ROR2: variants seen among roughly 807,000 people sequenced by gnomAD.
The protein encoded by ROR2 is ROR family WNT receptor 2.
Under a neutral mutation model 74.9 loss-of-function variants are expected in ROR2, and 33 were observed. That is an observed-to-expected ratio of 0.44 (90% CI 0.33 to 0.59). ROR2 has a LOEUF of 0.59. Among genes scored for constraint, ROR2 ranks in the 20% least tolerant of loss-of-function variants. The probability of loss-of-function intolerance (pLI) is 0.02; values close to 1 mark genes in which losing one functional copy is unlikely to be tolerated. For synonymous variants in ROR2, 586 were observed against 558.7 expected, an observed-to-expected ratio of 1.05 and a Z score of -0.69; for missense variants, 1,216 against 1,313.8, an observed-to-expected ratio of 0.93 and a Z score of 1.15.
chr9:91,729,089 TAAAAA>T (rs5899140), intron 7 of ROR2, among the ~76,000 whole-genome samples: 9 of 144,720 alleles, frequency 6.2e-5, no homozygotes, highest in African/African-American at 2.3e-4. Flanking sequence ...CTACTCACTG[TAAAAA>T]AAAAAAAAAA....
At chr9:91,846,789 A>G (rs988246985) in intron 1 of ROR2, among the ~76,000 whole-genome samples, 1 of 152,152 alleles carries the variant, frequency 6.6e-6, no homozygotes, top group African/African-American at 2.4e-5. Flanking sequence ...GCTCTGGAGA[A>G]GACCCTTGGA....
chr9:91,852,178 T>C (rs1403168674), intron 1 of ROR2, among the ~76,000 whole-genome samples: 1 of 152,190 alleles, frequency 6.6e-6, no homozygotes, highest in Non-Finnish European at 1.5e-5. Context: ...TGTTTCTAAG[T>C]TGGTCCTGAA....
chr9:91,891,628 G>A (rs1376667463), intron 1 of ROR2, among the ~76,000 whole-genome samples: 1 of 152,212 alleles, frequency 6.6e-6, no homozygotes, highest in South Asian at 2.1e-4. Flanking sequence ...CATTCAGGTT[G>A]TTGTCCATAT....
At chr9:91,785,129 G>A (rs1826753152) in intron 1 of ROR2, among the ~76,000 whole-genome samples, 1 of 152,114 alleles carries the variant, frequency 6.6e-6, no homozygotes, top group African/African-American at 2.4e-5. Flanking sequence ...CTCCTGGGGT[G>A]GCCTCCACTC....
intron 2 of ROR2, among the ~76,000 whole-genome samples, chr9:91,763,244 C>T (rs1825968199): frequency 6.6e-6 from 1 of 152,138 alleles, no homozygotes; most frequent in African/African-American, 2.4e-5. Context: ...ACCTAGGTGA[C>T]AAAGTAATCT....
intron 1 of ROR2, among the ~76,000 whole-genome samples, chr9:91,846,667 C>T (rs1225201860): frequency 2.0e-5 from 3 of 152,182 alleles, no homozygotes; most frequent in East Asian, 1.9e-4. Context: ...CCAGAGGTTT[C>T]GGATTTCAAG....
At chr9:91,899,326 TG>T (rs1291676315) in intron 1 of ROR2, among the ~76,000 whole-genome samples, 1 of 152,108 alleles carries the variant, frequency 6.6e-6, no homozygotes, top group Non-Finnish European at 1.5e-5. Flanking sequence ...TGCAAATATT[TG>T]GGGAGCAGCA....
chr9:91,909,513 A>ATT (rs36122642), intron 1 of ROR2, among the ~76,000 whole-genome samples: 49 of 136,292 alleles, frequency 3.6e-4, no homozygotes, highest in African/African-American at 9.8e-4. Context: ...CATCCAACTA[A>ATT]TTTTTTTTTT....
At chr9:91,772,683 G>A (rs1197764794) in intron 2 of ROR2, among the ~76,000 whole-genome samples, 1 of 152,174 alleles carries the variant, frequency 6.6e-6, no homozygotes, top group Non-Finnish European at 1.5e-5. Context: ...GGACAGGTCC[G>A]AGGCAAACTT....
At chr9:91,919,003 C>T (rs960053211) in intron 1 of ROR2, among the ~76,000 whole-genome samples, 8 of 150,034 alleles carry the variant, frequency 5.3e-5, no homozygotes, top group African/African-American at 2.0e-4. Flanking sequence ...CAGTCCGCAC[C>T]CCTGTGACCT....
At chr9:91,933,603 T>C (rs963450706) in intron 1 of ROR2, among the ~76,000 whole-genome samples, 18 of 152,200 alleles carry the variant, frequency 1.2e-4, no homozygotes, top group African/African-American at 4.1e-4. Flanking sequence ...GAAAGACTTA[T>C]GAGAACTATC....
intron 4 of ROR2, among the ~76,000 whole-genome samples, chr9:91,750,013 T>C (rs1825551096): frequency 6.6e-6 from 1 of 152,208 alleles, no homozygotes; most frequent in Admixed American, 6.5e-5. Context: ...GCAATTCTCC[T>C]GTCTCCGCCT....
chr9:91,862,645 G>C (rs143556387), intron 1 of ROR2, among the ~76,000 whole-genome samples: 8 of 152,160 alleles, frequency 5.3e-5, no homozygotes, highest in African/African-American at 1.9e-4. Context: ...CTGGGCAACA[G>C]AGTGAGTCCC....
At chr9:91,947,923 A>G (rs1832056463) in intron 1 of ROR2, among the ~76,000 whole-genome samples, 1 of 151,572 alleles carries the variant, frequency 6.6e-6, no homozygotes, top group Non-Finnish European at 1.5e-5. Context: ...TACTCTTTGG[A>G]TTTTGTTAAC....
At position 91,770,490 on chromosome 9, in the gene ROR2, A is replaced by G. The variant is rs568555344; in HGVS notation, c.175+5251T>C. 4.6e-5 allele frequency among the ~76,000 whole-genome samples: 7 copies of G among 152,330 alleles called. No individual in the cohort carries two copies. The East Asian group carries it at 1.4e-3, about 29-fold the overall frequency. ...GGAGTGTCTTCCGTATTCTAAGGAA[A>G]CAACAAGCCCAGGCACAACAACGTT... On this transcript the variant is annotated intron_variant, in intron 2 of 8. Coordinates refer to ENST00000375708, the MANE Select transcript of ROR2 (RefSeq NM_004560.4).
In ROR2 at chr9:91,784,642, C is replaced by T. The variant is rs911710816; in HGVS notation, c.98-8824G>A. Among the ~76,000 whole-genome samples, 5 of 152,232 alleles carry T rather than the reference C, an allele frequency of 3.3e-5. No individual in the cohort carries two copies. The East Asian group carries it at 9.6e-4, about 29-fold the overall frequency. On this transcript the variant is annotated intron_variant, in intron 1 of 8. Coordinates refer to ENST00000375708, the MANE Select transcript of ROR2 (RefSeq NM_004560.4). ...ACGTTAACATTCATCAAACTATACA[C>T]TGGCAATTTATGTACTTTTGTAGAC...
intron 1 of ROR2, among the ~76,000 whole-genome samples, chr9:91,837,008 A>T (rs1382175824): frequency 6.6e-6 from 1 of 152,274 alleles, no homozygotes; most frequent in Non-Finnish European, 1.5e-5. Flanking sequence ...TAGATTGGAA[A>T]ATCATCACAA....
intron 1 of ROR2, among the ~76,000 whole-genome samples, chr9:91,943,668 T>C (rs1831938021): frequency 6.6e-6 from 1 of 152,230 alleles, no homozygotes; most frequent in South Asian, 2.1e-4. Flanking sequence ...TCCTGTAGGC[T>C]GAGGATACAC....
intron 7 of ROR2, 49 bp downstream of exon 7, chr9:91,730,861 G>C: frequency 6.2e-7 from 1 of 1,612,530 alleles, no homozygotes; most frequent in South Asian, 1.1e-5. Flanking sequence ...CTCATCACAA[G>C]GTTCACTCAA....
Sources: allele counts gnomAD v4.1 joint callset (sites outside exome capture counted in the v4.1 genomes callset), GRCh38; gene constraint gnomAD v4.1.1; transcripts MANE v1.5; gene names NCBI Gene and HGNC (gene_info 2026-07-23, HGNC 2026-07-21).